Variants in TPR observed in about 807,000 individuals in gnomAD.
The protein encoded by TPR is translocated promoter region, nuclear basket protein.
In TPR, 51 loss-of-function variants were observed where a neutral mutation model predicts 316.1. That is an observed-to-expected ratio of 0.16 (90% CI 0.13 to 0.20). The LOEUF (loss-of-function observed/expected upper bound fraction) is 0.20. TPR is among the 10% of genes least tolerant of loss of function. TPR has a pLI of 1.00. For missense variants in TPR, 2,272 were observed against 2,754.8 expected (o/e 0.82, Z 3.92); for synonymous variants, 981 against 914.7 (o/e 1.07, Z -1.31).
At position 186,351,962 on chromosome 1, in the gene TPR, T is replaced by A. The variant is rs1228717019; in HGVS notation, c.2469+14A>T. The A allele has an allele frequency of 6.3e-7, 1 of 1,581,932 alleles. No individual in the cohort carries two copies. The highest frequency in any genetic ancestry group is 8.5e-7 in the Non-Finnish European group (1 of 1,171,194). On this transcript the variant is annotated intron_variant, in intron 19 of 50. Coordinates refer to ENST00000367478, the MANE Select transcript of TPR (RefSeq NM_003292.3). ...TTTATACATTTTTTCTACATAGGCTTTTTATTTGGTTACCTGAATTGTTTG... is the reference window on the plus strand; with the variant it reads ...TTTATACATTTTTTCTACATAGGCTATTTATTTGGTTACCTGAATTGTTTG...
rs375457445 is a variant in TPR at position 186,314,675 on chromosome 1, T to C, written c.6990A>G (p.Thr2330=). The change falls in exon 50 of 51, where the codon ACA becomes ACG. Residue 2330 remains threonine, a synonymous_variant. Coordinates refer to ENST00000367478, the MANE Select transcript of TPR (RefSeq NM_003292.3). ...GACCACGGACACCTTGTCTCAATGT[T>C]GTCTGAAGTCTTACTCGTCTGAAAG... ...PKPFRRVRLQ[T]TLRQGVRGRQ... The C allele has an allele frequency of 3.3e-5, 53 of 1,612,902 alleles. No individual in the cohort carries two copies. In the African/African-American group the frequency reaches 6.9e-4, roughly 21 times the overall value.
chr1:186,363,072 A>G, intron 5 of TPR, 71 bp from the exon 6 acceptor site: 1 of 1,474,744 alleles, frequency 6.8e-7, no homozygotes, highest in Non-Finnish European at 9.1e-7. Flanking sequence ...TTTTGTCTGT[A>G]GCTAAGGGAC....
chr1:186,366,188 GTGCCTCCCTCTTC>G (rs577817594), intron 4 of TPR, among the ~76,000 whole-genome samples: 1,882 of 152,264 alleles, frequency 0.012, 19 homozygotes, highest in Non-Finnish European at 0.019. Context: ...TACATTGAGT[GTGCCTCCCTCTTC>G]TGCCTCCCCT....
In TPR at chr1:186,313,047, C is replaced by G. The variant is rs1657401773; in HGVS notation, c.*924G>C. ...CTGTGGAAAAGAGTTAAGACTTTTG[C>G]TTTAATTTCAATTAAAATGATGGCA... is the stretch of plus-strand genomic sequence containing the variant. On this transcript the variant is annotated 3_prime_UTR_variant, in exon 51 of 51. Transcript: ENST00000367478. The G allele has an allele frequency of 7.4e-6, 6 of 812,522 alleles. No individual in the cohort carries two copies. Among genetic ancestry groups the G allele is most frequent in the African/African-American group, 1.7e-5 (1 of 57,826 alleles). The allele number at this position is 812,522 out of a possible 1,614,324, so 50.3% of individuals were successfully genotyped here.
chr1:186,314,440 T>A, intron 50 of TPR, 189 bp downstream of exon 50: 1 of 404,034 alleles, frequency 2.5e-6, no homozygotes, highest in Admixed American at 4.0e-5. Context: ...ATTTATTATA[T>A]ATCTAAGGTA....
rs940885975 is a variant in TPR at position 186,361,850 on chromosome 1, C to T, written c.809G>A (p.Ser270Asn). Residue 270 changes from serine to asparagine, a missense_variant, in exon 8 of 51, where the codon AGT becomes AAT. By Grantham distance (46) the Ser-to-Asn change is conservative. Transcript: ENST00000367478. ...TTCATTGTGGAATTTCTCTTCCATA[C>T]TGGCCTGTTGTTCCTTGGCCTGAAA... Reference protein sequence around the residue: ...KLKEAKEQQASMEEKFHNELN... With the variant: ...KLKEAKEQQANMEEKFHNELN... 40 of 1,612,772 alleles carry T rather than the reference C, an allele frequency of 2.5e-5. No homozygotes were observed. The highest frequency in any genetic ancestry group is 3.0e-5 in the Non-Finnish European group (35 of 1,179,214).
At position 186,333,354 on chromosome 1, in the gene TPR, A is replaced by G. The variant is rs1468023845; in HGVS notation, c.5223T>C (p.Phe1741=). 15 of 1,613,414 alleles carry G rather than the reference A, an allele frequency of 9.3e-6. No individual in the cohort carries two copies. In the East Asian group the frequency reaches 3.1e-4, roughly 34 times the overall value. Residue 1741 remains phenylalanine, a synonymous_variant, in exon 37 of 51, where the codon TTT becomes TTC. Coordinates refer to ENST00000367478, the MANE Select transcript of TPR (RefSeq NM_003292.3). The part of the protein sequence containing the change: ...SEGPVEHVPV[F]GSTSGSVRST... Reference sequence around the variant, plus strand: ...AACGAACGGATCCACTTGTGCTTCCAAAAACTGGAACATGTTCCACAGGCC... The same window carrying G: ...AACGAACGGATCCACTTGTGCTTCCGAAAACTGGAACATGTTCCACAGGCC...
chr1:186,332,123 T>C, intron 38 of TPR, 72 bp downstream of exon 38: 1 of 1,485,628 alleles, frequency 6.7e-7, no homozygotes, highest in Non-Finnish European at 9.0e-7. Context: ...TAATTTTCTT[T>C]AGGCTGTAGC....
Position 186,367,896 on chromosome 1 carries a change from T to A in TPR, c.417A>T (p.Glu139Asp), listed in dbSNP as rs149367812. 5,261 of 1,607,464 alleles carry A rather than the reference T, an allele frequency of 3.3e-3. 27 individuals carry two copies. The highest frequency in any genetic ancestry group is 0.014 in the South Asian group (1,269 of 90,964). The part of the protein sequence containing the change: ...RTNERLSQEL[E>D]YLTEDVKRLN... ...AGCACTTCTTCATACCTGTTAAGTA[T>A]TCAAGTTCTTGAGATAGTCTCTCAT... The change falls in exon 4 of 51, where the codon GAA becomes GAT. Residue 139 changes from glutamate (E) to aspartate (D), a missense_variant. By Grantham distance (45) the Glu-to-Asp change is conservative. Transcript: ENST00000367478.
rs776889793 is a variant in TPR, at chr1:186,313,821, A to G, written c.*150T>C. ...GAGTCAACTAATGAAGAAATGAATA[A>G]TAAATTTTGACACTGAAAAACATTT... On this transcript the variant is annotated 3_prime_UTR_variant, in exon 51 of 51. Coordinates refer to ENST00000367478, the MANE Select transcript of TPR (RefSeq NM_003292.3). The G allele has an allele frequency of 3.3e-6, 5 of 1,521,336 alleles. No homozygotes were observed. The Admixed American group carries it at 8.4e-5, about 25-fold the overall frequency. The allele number at this position is 1,521,336 out of a possible 1,614,324, so 94.2% of individuals were successfully genotyped here.
rs771516850 is a variant in TPR, at chr1:186,374,929, A to C, written c.100T>G (p.Ser34Ala). 4 of 1,606,412 alleles carry C rather than the reference A, an allele frequency of 2.5e-6. No homozygotes were observed. Among genetic ancestry groups the C allele is most frequent in the Non-Finnish European group, 3.4e-6 (4 of 1,173,796 alleles). Reference sequence around the variant, plus strand: ...CGCCCCTTCAGGCCATCGATCTCGGATTGCTGATCAGCAAGGAACTTTTCA... The same window carrying C: ...CGCCCCTTCAGGCCATCGATCTCGGCTTGCTGATCAGCAAGGAACTTTTCA... Reference protein sequence around the residue: ...KLEKFLADQQSEIDGLKGRHE... With the variant: ...KLEKFLADQQAEIDGLKGRHE... Residue 34 changes from serine (S) to alanine (A), a missense_variant, in exon 1 of 51, where the codon TCC (serine) becomes GCC (alanine). Physicochemically the swap from Ser to Ala is moderately conservative, Grantham distance 99. Around this residue, in one of 10 missense-constraint regions of TPR, gnomAD observed 549 missense variants for 598.6 expected, o/e 0.92. Transcript: ENST00000367478.
intron 34 of TPR, 67 bp from the exon 35 acceptor site, chr1:186,335,196 A>T (rs2102067423): frequency 1.3e-6 from 2 of 1,564,148 alleles, no homozygotes; most frequent in Middle Eastern, 1.7e-4. Flanking sequence ...GCCACAAAAA[A>T]ATTGTCATTA....
chr1:186,341,124 TTGTAAGGGTAAAATA>T lies in TPR; in HGVS notation c.3909_3923del (p.Asp1303_Gln1308delinsGlu). 6.2e-7 allele frequency: 1 copy of T among 1,614,160 alleles called. No individual in the cohort carries two copies. Among genetic ancestry groups the T allele is most frequent in the Non-Finnish European group, 8.5e-7 (1 of 1,180,014 alleles). On this transcript the variant is annotated inframe_deletion, in exon 29 of 51. Coordinates refer to ENST00000367478, the MANE Select transcript of TPR (RefSeq NM_003292.3). ...TCTCACTCAGCTCAGCATTTGCTTC[TTGTAAGGGTAAAATA>T]TCTAACTCCAGTTTCCTCACCTGAA...
chr1:186,351,192 G>C lies in TPR; in HGVS notation c.2610+138C>G. ...TGGCACCCAATAAAAAAATTACTGG[G>C]TATAGAGTGAGGCAAGAAAAACTTA... On this transcript the variant is annotated intron_variant, in intron 20 of 50. Transcript: ENST00000367478. 4 of 938,620 alleles carry C rather than the reference G, an allele frequency of 4.3e-6. No individual in the cohort carries two copies. In the South Asian group the frequency reaches 1.0e-4, roughly 24 times the overall value. 58.1% of individuals were successfully genotyped at this position (938,620 alleles called of 1,614,324 possible). A position where few individuals can be genotyped will look rare whatever the true frequency, so the allele number is the denominator to read the frequency against.
At chr1:186,358,745 A>C (rs539737286) in intron 12 of TPR, 95 bp from the exon 13 acceptor site, 1 of 927,456 alleles carries the variant, frequency 1.1e-6, no homozygotes, top group South Asian at 1.5e-5. Context: ...ACCAGTAATC[A>C]ACTTATACAC....
In TPR at chr1:186,313,458, A is replaced by G; in HGVS notation, c.*513T>C. 1 of 501,804 alleles carries G rather than the reference A, an allele frequency of 2.0e-6. No individual in the cohort carries two copies. Among genetic ancestry groups the G allele is most frequent in the South Asian group, 2.5e-5 (1 of 40,008 alleles). 31.1% of individuals were successfully genotyped at this position (501,804 alleles called of 1,614,324 possible). ...ACTTCATAAAGGAGAGCTGAACCTG[A>G]TTTTACAAAAAGATGGTGAAATGTC... On this transcript the variant is annotated 3_prime_UTR_variant, in exon 51 of 51. Transcript: ENST00000367478.
In TPR at chr1:186,344,495, C is replaced by T. The variant is rs776175256; in HGVS notation, c.3297G>A (p.Ala1099=). The change falls in exon 25 of 51, where the codon GCG becomes GCA. Residue 1099 remains alanine, a synonymous_variant. Coordinates refer to ENST00000367478, the MANE Select transcript of TPR (RefSeq NM_003292.3). ...HAADVEALQA[A]KEQVSKMASV... Reference sequence around the variant, plus strand: ...ATGCCATTTTTGAAACCTGCTCCTTCGCAGCTTGTAGAGCTTCAACATCAG... The same window carrying T: ...ATGCCATTTTTGAAACCTGCTCCTTTGCAGCTTGTAGAGCTTCAACATCAG... The T allele has an allele frequency of 1.4e-5, 23 of 1,613,660 alleles. No individual in the cohort carries two copies. The highest frequency in any genetic ancestry group is 1.6e-4 in the Middle Eastern group (1 of 6,084).
Position 186,350,405 on chromosome 1 carries a change from T to C in TPR, c.2611-17A>G. On this transcript the variant is annotated splice_polypyrimidine_tract_variant and intron_variant, in intron 20 of 50. Coordinates refer to ENST00000367478, the MANE Select transcript of TPR (RefSeq NM_003292.3). ...AAGTTGAACCTATAAAATACATTAA[T>C]CTTATAACATTCTTTAGGTTCCTAA... The C allele has an allele frequency of 5.2e-6, 8 of 1,535,992 alleles. No homozygotes were observed. The highest frequency in any genetic ancestry group is 6.2e-6 in the Non-Finnish European group (7 of 1,134,494).
At position 186,351,321 on chromosome 1, in the gene TPR, T is replaced by G; in HGVS notation, c.2610+9A>C. On this transcript the variant is annotated intron_variant, in intron 20 of 50. Coordinates refer to ENST00000367478, the MANE Select transcript of TPR (RefSeq NM_003292.3). ...ACCCTACAGAAATTCAGAACTCTGATGGACTCACATCTAGATTTCTAGTAA... is the reference window on the plus strand; with the variant it reads ...ACCCTACAGAAATTCAGAACTCTGAGGGACTCACATCTAGATTTCTAGTAA... The G allele has an allele frequency of 6.2e-7, 1 of 1,601,566 alleles. No individual in the cohort carries two copies. The highest frequency in any genetic ancestry group is 8.5e-7 in the Non-Finnish European group (1 of 1,174,832).
Sources: allele counts gnomAD v4.1 joint callset (sites outside exome capture counted in the v4.1 genomes callset), GRCh38; gene constraint gnomAD v4.1.1; regional missense constraint gnomAD v4.1.1; transcripts MANE v1.5; gene names NCBI Gene and HGNC (gene_info 2026-07-23, HGNC 2026-07-21).